OFD1: variants seen among roughly 807,000 people sequenced by gnomAD.
OFD1 encodes OFD1 centriole and centriolar satellite protein, also known as centriole and centriolar satellite protein OFD1.
A neutral mutation model predicts 81.4 loss-of-function variants in OFD1; 12 were observed. The ratio of observed to expected loss-of-function variants is 0.15; its 90% CI spans 0.09 to 0.24. The LOEUF (loss-of-function observed/expected upper bound fraction) is 0.24. Ranked by LOEUF, OFD1 falls within the 10% of genes least tolerant of loss-of-function variation. The pLI, the probability that OFD1 is intolerant of heterozygous loss-of-function variation, is 1.00. For missense variants in OFD1, 685 were observed against 733.9 expected, an observed-to-expected ratio of 0.93 and a Z score of 0.77; for synonymous variants, 256 against 263.7, an observed-to-expected ratio of 0.97 and a Z score of 0.28.
At chrX:13,749,169 TAAAG>T (rs1233621391) in intron 8 of OFD1, among the ~76,000 whole-genome samples, 6 of 109,775 alleles carry the variant, frequency 5.5e-5, no homozygotes, top group East Asian at 2.8e-4. Context: ...TGAGAGATGT[TAAAG>T]AACTAAATAG....
intron 15 of OFD1, among the ~76,000 whole-genome samples, chrX:13,759,392 T>C (rs2047839241): frequency 8.9e-6 from 1 of 112,634 alleles, no homozygotes; most frequent in Admixed American, 9.4e-5. Context: ...GATAGAACTC[T>C]TTCGCATGCA....
chrX:13,736,370 A>G (rs995853636), intron 2 of OFD1, 108 bp from the exon 3 acceptor site: 2 of 1,096,623 alleles, frequency 1.8e-6, no homozygotes, highest in Non-Finnish European at 2.5e-6. Context: ...AATAGAAGGA[A>G]GGTTTCCAAT....
At chrX:13,720,090 AG>A in the OFD1 span, 1 of 553,042 alleles carries the variant, frequency 1.8e-6, no homozygotes, top group South Asian at 5.1e-5. Flanking sequence ...GACATTGTAG[AG>A]GAAGATGCTA....
chrX:13,740,180 G>T (rs1422555499), intron 5 of OFD1: 1 of 965,743 alleles, frequency 1.0e-6, no homozygotes, highest in Non-Finnish European at 1.3e-6. Flanking sequence ...TGGACTGCCC[G>T]CAAACTAGAC....
At chrX:13,773,247 G>T, downstream of OFD1, 1 of 275,226 alleles carries the variant, frequency 3.6e-6, no homozygotes, top group Non-Finnish European at 6.4e-6. Context: ...CAAACATAGT[G>T]AACTGGAAAA....
At chrX:13,751,182 T>C in intron 9 of OFD1, 67 bp from the exon 10 acceptor site, 1 of 1,093,552 alleles carries the variant, frequency 9.1e-7, no homozygotes, top group Non-Finnish European at 1.3e-6. Flanking sequence ...ACACATGTGA[T>C]TTTTTCCTAA....
In OFD1 at chrX:13,757,665, G is replaced by T; in HGVS notation, c.1417G>T (p.Ala473Ser). 8.3e-7 allele frequency: 1 copy of T among 1,205,685 alleles called. No homozygotes were observed. The highest frequency in any genetic ancestry group is 1.1e-6 in the Non-Finnish European group (1 of 893,478). The change falls in exon 14 of 23, where the codon GCT becomes TCT. Residue 473 changes from alanine to serine, a missense_variant. By Grantham distance (99) the Ala-to-Ser change is moderately conservative. Transcript: ENST00000340096. ...TTTTTTTTTTACCTTCTTAGGCCTA[G>T]CTCAGCCGGCTCCTGAACTTGCAGT... Reference protein sequence around the residue: ...NENLRLLNRLAQPAPELAVFQ... With the variant: ...NENLRLLNRLSQPAPELAVFQ...
At chrX:13,771,387 TA>T (rs36124011), downstream of OFD1, 30,775 of 100,421 alleles carry the variant, frequency 0.31, 4,147 homozygotes, top group African/African-American at 0.46. Context: ...TCTCTTAATT[TA>T]AAAAAAAAAA....
chrX:13,770,390 C>A (rs1427104558), downstream of OFD1, among the ~76,000 whole-genome samples: 1 of 112,204 alleles, frequency 8.9e-6, no homozygotes, highest in Admixed American at 9.4e-5. Flanking sequence ...TCAATAGTGA[C>A]AAAGGCTGGG....
chrX:13,760,158 C>G lies in OFD1; in HGVS notation c.1698C>G (p.Ile566Met), dbSNP rs1019902525. 8.3e-7 allele frequency: 1 copy of G among 1,211,613 alleles called. No homozygotes were observed. The highest frequency in any genetic ancestry group is 1.1e-6 in the Non-Finnish European group (1 of 895,243). The change falls in exon 16 of 23, where the codon ATC becomes ATG. Residue 566 changes from isoleucine (I) to methionine (M), a missense_variant. Ile to Met is a conservative substitution (Grantham distance 10, BLOSUM62 1). Transcript: ENST00000340096. The stretch of plus-strand genomic sequence containing the variant: ...ACTGCAATCCAAAGCAGTCTGTGAT[C>G]GATCGTTCTGTCAATGGATTAATAA... ...EVYCNPKQSV[I>M]DRSVNGLING...
intron 19 of OFD1, among the ~76,000 whole-genome samples, chrX:13,766,512 A>G (rs2048135489): frequency 9.0e-6 from 1 of 111,244 alleles, no homozygotes; most frequent in Non-Finnish European, 1.9e-5. Context: ...GAGGCTAGGG[A>G]GAGAGACCAG....
At chrX:13,727,480 A>T in the OFD1 span, among the ~76,000 whole-genome samples, 1 of 112,487 alleles carries the variant, frequency 8.9e-6, no homozygotes, top group Non-Finnish European at 1.9e-5. Flanking sequence ...GAAATTGAAC[A>T]ACTTGCTCCT....
At chrX:13,745,906 T>G (rs1364093891) in intron 6 of OFD1, among the ~76,000 whole-genome samples, 5 of 112,449 alleles carry the variant, frequency 4.4e-5, no homozygotes, top group East Asian at 2.8e-4. Context: ...AGTTATTGTT[T>G]TGAATATGTA....
At chrX:13,739,720 C>T in intron 5 of OFD1, 2 of 487,757 alleles carry the variant, frequency 4.1e-6, no homozygotes, top group Non-Finnish European at 5.0e-6. Context: ...TGCACTCCTG[C>T]CTGGGCAACA....
intron 19 of OFD1, among the ~76,000 whole-genome samples, chrX:13,765,600 G>GGC (rs746034533): frequency 1.8e-5 from 2 of 110,752 alleles, no homozygotes; most frequent in South Asian, 7.7e-4. Flanking sequence ...TTTAGAACAA[G>GGC]GCACAGCAAA....
chrX:13,752,519 C>T (rs2146999622), intron 10 of OFD1, among the ~76,000 whole-genome samples: 1 of 112,248 alleles, frequency 8.9e-6, no homozygotes, highest in Admixed American at 9.4e-5. Flanking sequence ...AATATGGCAG[C>T]TTTTTTATCT....
In OFD1 at chrX:13,734,955, A is replaced by C. The variant is rs2046794511; in HGVS notation, c.-117A>C. The stretch of plus-strand genomic sequence containing the variant: ...TGTTCCTCCCGAACCCTCGGGACAG[A>C]GGCAGGGTTCTGAGGGCAGGGATTC... On this transcript the variant is annotated 5_prime_UTR_variant, in exon 1 of 23. Transcript: ENST00000340096. 2 of 1,138,334 alleles carry C rather than the reference A, an allele frequency of 1.8e-6. No homozygotes were observed. Among genetic ancestry groups the C allele is most frequent in the Admixed American group, 5.5e-5 (2 of 36,427 alleles). 93.8% of individuals were successfully genotyped at this position (1,138,334 alleles called of 1,213,427 possible).
In OFD1 at chrX:13,755,140, T is replaced by C. The variant is rs956806329; in HGVS notation, c.1130-11T>C. The C allele has an allele frequency of 1.7e-6, 2 of 1,175,923 alleles. No individual in the cohort carries two copies. The highest frequency in any genetic ancestry group is 3.6e-5 in the South Asian group (2 of 56,249). ...ACATTATGGTGTTTAATTGGTGGGC[T>C]CTTTTTTCAGAAAAAGCTGTTCATT... On this transcript the variant is annotated splice_polypyrimidine_tract_variant and intron_variant, in intron 11 of 22. Transcript: ENST00000340096.
At chrX:13,760,780 C>T (rs947656616) in intron 16 of OFD1, 60 bp downstream of exon 16, 18 of 1,186,184 alleles carry the variant, frequency 1.5e-5, no homozygotes, top group South Asian at 1.3e-4. Context: ...ACCCTGCCCA[C>T]GACACAGGGT....
Sources: allele counts gnomAD v4.1 joint callset (sites outside exome capture counted in the v4.1 genomes callset), GRCh38; gene constraint gnomAD v4.1.1; transcripts MANE v1.5; gene names NCBI Gene and HGNC (gene_info 2026-07-23, HGNC 2026-07-21).